Variants in SLC29A4 observed in about 807,000 individuals in gnomAD.
The protein encoded by SLC29A4 is solute carrier family 29 member 4, also known as equilibrative nucleoside transporter 4.
Under a neutral mutation model 43.9 loss-of-function variants are expected in SLC29A4, and 36 were observed. The observed-to-expected ratio is 0.82, with a 90% CI of 0.63 to 1.08. The LOEUF (loss-of-function observed/expected upper bound fraction) is 1.08, where lower values mean the gene tolerates loss of function less well. SLC29A4 is among the 50% of genes least tolerant of loss of function. The probability of loss-of-function intolerance (pLI) is 0.00; values close to 1 mark genes in which losing one functional copy is unlikely to be tolerated. For missense variants in SLC29A4, 869 were observed against 755.3 expected (o/e 1.15, Z -1.77); for synonymous variants, 491 against 338.0 (o/e 1.45, Z -4.97).
rs547494387 is a variant in SLC29A4, at chr7:5,303,239, G to A, written c.*300G>A. 8.5e-4 allele frequency: 420 copies of A among 495,506 alleles called. 2 individuals carry two copies. The highest frequency in any genetic ancestry group is 1.1e-3 in the Non-Finnish European group (299 of 273,998). The allele number at this position is 495,506 out of a possible 1,614,324, so 30.7% of individuals were successfully genotyped here. ...AGCGGCCCCGGCTCCAGCCCAGCCAGCACTCTGCAGGGTCACACGCACCGT... is the reference window on the plus strand; with the variant it reads ...AGCGGCCCCGGCTCCAGCCCAGCCAACACTCTGCAGGGTCACACGCACCGT... On this transcript the variant is annotated 3_prime_UTR_variant, in exon 11 of 11. Coordinates refer to ENST00000396872, the MANE Select transcript of SLC29A4 (RefSeq NM_153247.4).
Position 5,287,504 on chromosome 7 carries a change from G to A in SLC29A4, c.-8-305G>A, listed in dbSNP as rs577974914. 5.3e-5 allele frequency among the ~76,000 whole-genome samples: 8 copies of A among 152,238 alleles called. No individual in the cohort carries two copies. In the South Asian group the frequency reaches 1.2e-3, roughly 24 times the overall value. On this transcript the variant is annotated intron_variant, in intron 1 of 10. Coordinates refer to ENST00000396872, the MANE Select transcript of SLC29A4 (RefSeq NM_153247.4). Reference sequence around the variant, plus strand: ...TGTCCTCTGGATGGATAGAAAGGACGGTCCCCCCAGGGGATACAGTCCCGG... The same window carrying A: ...TGTCCTCTGGATGGATAGAAAGGACAGTCCCCCCAGGGGATACAGTCCCGG...
chr7:5,297,829 G>A (rs1476074715), intron 7 of SLC29A4, among the ~76,000 whole-genome samples: 5 of 152,140 alleles, frequency 3.3e-5, no homozygotes, highest in African/African-American at 7.2e-5. Flanking sequence ...TGTGGCCCCT[G>A]GCTCTGCTGG....
chr7:5,290,052 A>ATTTTTTT (rs386409422), intron 2 of SLC29A4, among the ~76,000 whole-genome samples: 3 of 117,254 alleles, frequency 2.6e-5, no homozygotes, highest in African/African-American at 1.0e-4. Context: ...TGCCCAGCTA[A>ATTTTTTT]TTTTTTTTTT....
At chr7:5,289,613 G>A (rs537710135) in intron 2 of SLC29A4, among the ~76,000 whole-genome samples, 12 of 152,102 alleles carry the variant, frequency 7.9e-5, no homozygotes, top group Admixed American at 2.6e-4. Flanking sequence ...ATCGCAAAAC[G>A]CCTTCACAGC....
Position 5,306,888 on chromosome 7 carries a change from A to C in SLC29A4, c.*3949A>C, listed in dbSNP as rs1786567372. ...TTCCAAAAGAAACATAAAAAAAAAA[A>C]CCAATAATTCCCCCAAAAAACAAAC... On this transcript the variant is annotated 3_prime_UTR_variant, in exon 11 of 11. Coordinates refer to ENST00000396872, the MANE Select transcript of SLC29A4 (RefSeq NM_153247.4). 6.6e-6 allele frequency: 1 copy of C among 150,388 alleles called. No homozygotes were observed. The highest frequency in any genetic ancestry group is 1.5e-5 in the Non-Finnish European group (1 of 67,624). 9.3% of individuals were successfully genotyped at this position (150,388 alleles called of 1,614,324 possible).
At chr7:5,286,176 C>A (rs1299296570) in intron 1 of SLC29A4, among the ~76,000 whole-genome samples, 1 of 152,132 alleles carries the variant, frequency 6.6e-6, no homozygotes, top group Non-Finnish European at 1.5e-5. Flanking sequence ...CCTCAAACTC[C>A]CTACGACGAG....
intron 6 of SLC29A4, among the ~76,000 whole-genome samples, chr7:5,295,932 G>T (rs1256112503): frequency 6.9e-6 from 1 of 144,584 alleles, no homozygotes; most frequent in East Asian, 2.7e-4. Context: ...ACCCTCACGG[G>T]GTGGCCCACC....
chr7:5,287,274 C>T (rs761198260), intron 1 of SLC29A4, among the ~76,000 whole-genome samples: 1 of 152,116 alleles, frequency 6.6e-6, no homozygotes, highest in Non-Finnish European at 1.5e-5. Flanking sequence ...TAAAATTAGC[C>T]AGGCATGGTG....
intron 7 of SLC29A4, among the ~76,000 whole-genome samples, chr7:5,298,139 A>G (rs1785846857): frequency 6.6e-6 from 1 of 152,280 alleles, no homozygotes; most frequent in African/African-American, 2.4e-5. Flanking sequence ...GCCTTGATCC[A>G]GTGAGTCACC....
intron 5 of SLC29A4, among the ~76,000 whole-genome samples, chr7:5,294,602 G>C (rs1432380997): frequency 6.6e-6 from 1 of 152,138 alleles, no homozygotes; most frequent in African/African-American, 2.4e-5. Flanking sequence ...AGTCCATGCA[G>C]ACTTTTCACT....
At chr7:5,285,840 C>G (rs1006354697) in intron 1 of SLC29A4, among the ~76,000 whole-genome samples, 14 of 152,068 alleles carry the variant, frequency 9.2e-5, no homozygotes, top group African/African-American at 3.4e-4. Context: ...AGTGAGACCC[C>G]CATCTCTACA....
At chr7:5,292,185 A>G (rs1489242125) in intron 5 of SLC29A4, among the ~76,000 whole-genome samples, 1 of 152,098 alleles carries the variant, frequency 6.6e-6, no homozygotes, top group Non-Finnish European at 1.5e-5. Flanking sequence ...ATCATAGCTC[A>G]CTGCAGCCTC....
In SLC29A4 at chr7:5,303,116, C is replaced by T. The variant is rs574364896; in HGVS notation, c.*177C>T. 1.5e-5 allele frequency: 11 copies of T among 736,612 alleles called. No homozygotes were observed. In the South Asian group the frequency reaches 1.5e-4, roughly 10 times the overall value. 45.6% of individuals were successfully genotyped at this position (736,612 alleles called of 1,614,324 possible). Reference sequence around the variant, plus strand: ...ACCCTGGACTGAAGTTCTGCAAAGTCCTCCGAGGACCGGAACACGTTTCTG... The same window carrying T: ...ACCCTGGACTGAAGTTCTGCAAAGTTCTCCGAGGACCGGAACACGTTTCTG... On this transcript the variant is annotated 3_prime_UTR_variant, in exon 11 of 11. Transcript: ENST00000396872.
chr7:5,293,046 C>T (rs1016437919), intron 5 of SLC29A4, among the ~76,000 whole-genome samples: 1 of 151,508 alleles, frequency 6.6e-6, no homozygotes, highest in African/African-American at 2.4e-5. Flanking sequence ...CCAACATCCT[C>T]TCTAGATTCA....
intron 2 of SLC29A4, among the ~76,000 whole-genome samples, chr7:5,290,108 C>T (rs1475294253): frequency 2.1e-5 from 3 of 143,502 alleles, no homozygotes; most frequent in South Asian, 2.1e-4. Flanking sequence ...GGTTGGAGTG[C>T]AGTGGCGCGA....
chr7:5,297,549 A>G (rs6974061), intron 7 of SLC29A4, among the ~76,000 whole-genome samples: 21,408 of 152,182 alleles, frequency 0.14, 2,255 homozygotes, highest in African/African-American at 0.29. Context: ...GCCCACGTTC[A>G]TTCTGAGGGT....
At position 5,299,979 on chromosome 7, in the gene SLC29A4, G is replaced by C. The variant is rs557467583; in HGVS notation, c.1210-443G>C. Among the ~76,000 whole-genome samples, 163 of 152,330 alleles carry C rather than the reference G, an allele frequency of 1.1e-3. 1 individual carries two copies. Among genetic ancestry groups the C allele is most frequent in the Non-Finnish European group, 2.0e-3 (134 of 68,044 alleles). Reference sequence around the variant, plus strand: ...AGGCAGGAGAATCGCTTGAACCCAGGAGGTGGAGGGTGTAGTGAGCCGAGA... The same window carrying C: ...AGGCAGGAGAATCGCTTGAACCCAGCAGGTGGAGGGTGTAGTGAGCCGAGA... On this transcript the variant is annotated intron_variant, in intron 9 of 10. Transcript: ENST00000396872.
At chr7:5,287,423 A>C (rs1410375789) in intron 1 of SLC29A4, among the ~76,000 whole-genome samples, 2 of 151,828 alleles carry the variant, frequency 1.3e-5, no homozygotes, top group African/African-American at 4.8e-5. Flanking sequence ...GTCTGAAAAA[A>C]AAAAAAAAAG....
At chr7:5,297,611 C>T (rs1463549981) in intron 7 of SLC29A4, among the ~76,000 whole-genome samples, 7 of 152,238 alleles carry the variant, frequency 4.6e-5, no homozygotes, top group Non-Finnish European at 8.8e-5. Context: ...CCTGCAGGCT[C>T]AGCCTGGCAG....
Sources: gnomAD v4.1 joint callset for allele counts (sites outside exome capture counted in the v4.1 genomes callset) on GRCh38, gnomAD v4.1.1 for gene constraint, MANE v1.5 for transcripts, NCBI Gene and HGNC (gene_info 2026-07-23, HGNC 2026-07-21) for gene names.